Variants in FOXP1 observed in about 807,000 individuals in gnomAD.
FOXP1 encodes forkhead box protein P1.
In FOXP1, 15 loss-of-function variants were observed where a neutral mutation model predicts 98.2. The observed-to-expected ratio is 0.15, with a 90% CI of 0.10 to 0.24. FOXP1 has a LOEUF of 0.24. Ranked by LOEUF, FOXP1 falls within the 10% of genes least tolerant of loss-of-function variation. The pLI is 1.00. For synonymous variants in FOXP1, 371 were observed against 314.5 expected (o/e 1.18, Z -1.90); for missense variants, 633 against 848.5 (o/e 0.75, Z 3.15).
At chr3:71,111,343 C>T (rs542508395) in intron 7 of FOXP1, among the ~76,000 whole-genome samples, 2 of 152,276 alleles carry the variant, frequency 1.3e-5, no homozygotes, top group Middle Eastern at 3.4e-3. Context: ...TGATTCAAGT[C>T]TCTTTGAAAC....
intron 12 of FOXP1, among the ~76,000 whole-genome samples, chr3:71,008,627 A>G (rs1187565065): frequency 6.6e-6 from 1 of 152,160 alleles, no homozygotes; most frequent in East Asian, 1.9e-4. Context: ...TTCAGAAGAA[A>G]CAGGGAAATA....
chr3:71,476,796 G>A (rs1382588952), intron 3 of FOXP1, among the ~76,000 whole-genome samples: 6 of 152,036 alleles, frequency 3.9e-5, no homozygotes, highest in East Asian at 3.9e-4. Flanking sequence ...GAGCCACTGC[G>A]CCGGGCCGCA....
Position 71,015,649 on chromosome 3 carries a change from A to G in FOXP1, c.874T>C (p.Ser292Pro). 4 of 1,600,380 alleles carry G rather than the reference A, an allele frequency of 2.5e-6. No individual in the cohort carries two copies. Among genetic ancestry groups the G allele is most frequent in the Non-Finnish European group, 3.4e-6 (4 of 1,167,766 alleles). The stretch of plus-strand genomic sequence containing the variant: ...TGGCTATGGGGGTGCTCCTCATGGG[A>G]CAAACTGAAAGAAAACACACAGAAG... ...SVHTPKRESL[S>P]HEEHPHSHPL... The change falls in exon 12 of 21, where the codon TCC becomes CCC. Residue 292 changes from serine (S) to proline (P), a missense_variant. This residue lies in a region of FOXP1 where 210 missense variants were observed against 270.6 expected (regional missense o/e 0.78). Coordinates refer to ENST00000649528, the MANE Select transcript of FOXP1 (RefSeq NM_001349338.3).
chr3:71,019,843 A>C (rs1054093719), intron 11 of FOXP1, among the ~76,000 whole-genome samples: 45 of 120,442 alleles, frequency 3.7e-4, no homozygotes, highest in East Asian at 8.2e-4. Context: ...TCCCCCCCCC[A>C]AAAAAAACAA....
At position 71,327,510 on chromosome 3, in the gene FOXP1, CCCGAGTA is replaced by C. The variant is rs1326205135; in HGVS notation, c.-72-27637_-72-27631del. ...TCACGCCATTCTCCTGCCTTAGCCT[CCCGAGTA>C]GCTGGGACTACAGGCGCCTGCCACC... On this transcript the variant is annotated intron_variant, in intron 4 of 20. Transcript: ENST00000649528. 3.0e-3 allele frequency among the ~76,000 whole-genome samples: 443 copies of C among 150,122 alleles called. 2 individuals carry two copies. The highest frequency in any genetic ancestry group is 0.01 in the African/African-American group (418 of 40,816).
Position 71,367,688 on chromosome 3 carries a change from A to G in FOXP1, c.-167-8444T>C, listed in dbSNP as rs369811163. Among the ~76,000 whole-genome samples the G allele has an allele frequency of 2.6e-5, 4 of 152,344 alleles. 1 individual carries two copies. On this transcript the variant is annotated intron_variant, in intron 3 of 20. Coordinates refer to ENST00000649528, the MANE Select transcript of FOXP1 (RefSeq NM_001349338.3). ...CACTCTGTGTTTTCCTCCACCGAAT[A>G]TATCATGGATCATTTTTCATATCAT... is the stretch of plus-strand genomic sequence containing the variant.
upstream of FOXP1, chr3:71,583,818 G>A (rs2048385445): frequency 1.0e-6 from 1 of 987,280 alleles, no homozygotes; most frequent in Non-Finnish European, 1.2e-6. Context: ...GGCGGCGGCG[G>A]CGGCGGCAGA....
In FOXP1 at chr3:71,198,290, C is replaced by T. The variant is rs2108381524; in HGVS notation, c.92G>A (p.Gly31Asp). 1 of 1,614,164 alleles carries T rather than the reference C, an allele frequency of 6.2e-7. No individual in the cohort carries two copies. Among genetic ancestry groups the T allele is most frequent in the Non-Finnish European group, 8.5e-7 (1 of 1,180,044 alleles). The change falls in exon 6 of 21, where the codon GGT becomes GAT. Residue 31 changes from glycine (G) to aspartate (D), a missense_variant. This residue lies in a region of FOXP1 where 103 missense variants were observed against 85.5 expected (regional missense o/e 1.20). Coordinates refer to ENST00000649528, the MANE Select transcript of FOXP1 (RefSeq NM_001349338.3). ...GGSNHLLECG[G>D]LREGRSNGET... The stretch of plus-strand genomic sequence containing the variant: ...TCCGTTGGACCGCCCCTCCCGAAGA[C>T]CGCCGCACTCTAGTAAGTGGTTGCT...
intron 16 of FOXP1, 150 bp from the exon 17 acceptor site, chr3:70,977,192 A>G: frequency 1.6e-6 from 1 of 642,788 alleles, no homozygotes; most frequent in East Asian, 2.7e-5. Context: ...GGTTGTATTT[A>G]ACAGTTCAAT....
rs189708849 is a variant in FOXP1, at chr3:71,059,024, G to C, written c.283-5251C>G. On this transcript the variant is annotated intron_variant, in intron 7 of 20. Coordinates refer to ENST00000649528, the MANE Select transcript of FOXP1 (RefSeq NM_001349338.3). ...GTACAAAGCACTAAGGCAGGTAATG[G>C]TTATTATATTAATGCAAAATCATCT... Among the ~76,000 whole-genome samples the C allele has an allele frequency of 3.5e-3, 535 of 152,194 alleles. 2 individuals are homozygous for C. The highest frequency in any genetic ancestry group is 6.3e-3 in the Non-Finnish European group (425 of 68,000).
At chr3:71,553,140 C>T (rs537208301) in intron 2 of FOXP1, among the ~76,000 whole-genome samples, 1 of 152,084 alleles carries the variant, frequency 6.6e-6, no homozygotes, top group South Asian at 2.1e-4. Context: ...CTAGAGTTAC[C>T]TGTTAGCATA....
chr3:71,111,252 C>T (rs2057895046), intron 7 of FOXP1, among the ~76,000 whole-genome samples: 1 of 152,180 alleles, frequency 6.6e-6, no homozygotes, highest in Admixed American at 6.5e-5. Flanking sequence ...CAAGGATGCC[C>T]ACCTTCAGCT....
At chr3:71,064,580 C>T (rs1003544871) in intron 7 of FOXP1, among the ~76,000 whole-genome samples, 6 of 152,050 alleles carry the variant, frequency 3.9e-5, no homozygotes, top group Non-Finnish European at 7.4e-5. Context: ...GGGGGTATCT[C>T]TCTCCAGGAC....
At chr3:71,541,850 C>A in intron 2 of FOXP1, 1 of 423,236 alleles carries the variant, frequency 2.4e-6, no homozygotes, top group Non-Finnish European at 4.7e-6. Flanking sequence ...AACAAAAAAA[C>A]ACCTTCTAGA....
At chr3:71,426,415 T>A (rs1427459830) in intron 3 of FOXP1, among the ~76,000 whole-genome samples, 1 of 152,126 alleles carries the variant, frequency 6.6e-6, no homozygotes, top group African/African-American at 2.4e-5. Flanking sequence ...GGGAGACTAT[T>A]CAAAAGATTT....
At chr3:71,008,929 CTCTGT>C (rs1344603835) in intron 12 of FOXP1, among the ~76,000 whole-genome samples, 1 of 152,012 alleles carries the variant, frequency 6.6e-6, no homozygotes, top group African/African-American at 2.4e-5. Context: ...GAACCCCTCT[CTCTGT>C]TAACAGTGGC....
chr3:71,101,266 G>A (rs552193033), intron 7 of FOXP1, among the ~76,000 whole-genome samples: 11 of 152,330 alleles, frequency 7.2e-5, no homozygotes, highest in Admixed American at 6.5e-4. Context: ...AAATTCATGT[G>A]AAGGCGAGCT....
chr3:71,014,108 A>T lies in FOXP1; in HGVS notation c.974+1441T>A, dbSNP rs1307350686. 5.3e-5 allele frequency among the ~76,000 whole-genome samples: 8 copies of T among 152,300 alleles called. No individual in the cohort carries two copies. In the East Asian group the frequency reaches 1.2e-3, roughly 22 times the overall value. ...CATAGGCATGGGCAAGGACTTCATG[A>T]CTAAAACAGCAAAAGCAATGGCAAC... On this transcript the variant is annotated intron_variant, in intron 12 of 20. Transcript: ENST00000649528.
intron 5 of FOXP1, among the ~76,000 whole-genome samples, chr3:71,287,451 C>A (rs200230264): frequency 2.3e-4 from 35 of 151,320 alleles, no homozygotes; most frequent in African/African-American, 7.8e-4. Context: ...CCAGCCTGGG[C>A]GAAAGAGCGA....
Sources: allele counts gnomAD v4.1 joint callset (sites outside exome capture counted in the v4.1 genomes callset), GRCh38; gene constraint gnomAD v4.1.1; regional missense constraint gnomAD v4.1.1; transcripts MANE v1.5; gene names NCBI Gene and HGNC (gene_info 2026-07-23, HGNC 2026-07-21).